Variants in NT5DC1 observed in about 807,000 individuals in gnomAD.
NT5DC1 encodes 5'-nucleotidase domain containing 1, also known as 5'-nucleotidase domain-containing protein 1.
In NT5DC1, 42 loss-of-function variants were observed where a neutral mutation model predicts 59.4. The observed-to-expected ratio is 0.71, with a 90% CI of 0.55 to 0.92. NT5DC1 has a LOEUF of 0.92. Ranked by LOEUF, NT5DC1 falls within the 40% of genes least tolerant of loss-of-function variation. The pLI is 0.00. For missense variants in NT5DC1, 501 were observed against 537.1 expected (o/e 0.93, Z 0.66); for synonymous variants, 172 against 188.1 (o/e 0.91, Z 0.70).
chr6:116,164,401 G>A (rs1311301647), intron 6 of NT5DC1, among the ~76,000 whole-genome samples: 2 of 152,014 alleles, frequency 1.3e-5, no homozygotes, highest in African/African-American at 4.8e-5. Context: ...CATAAGAATA[G>A]CAACCCCTGG....
intron 6 of NT5DC1, among the ~76,000 whole-genome samples, chr6:116,171,649 C>T (rs1488120782): frequency 6.6e-6 from 1 of 152,178 alleles, no homozygotes; most frequent in African/African-American, 2.4e-5. Flanking sequence ...TGAATTCTCT[C>T]TTTGGTATCC....
intron 6 of NT5DC1, among the ~76,000 whole-genome samples, chr6:116,138,982 C>T (rs1046426341): frequency 1.3e-5 from 2 of 151,960 alleles, no homozygotes. Context: ...ATAATTGCAG[C>T]AGAGTAGAAC....
At chr6:116,104,675 TAGCAAATAC>T (rs1376180604) in intron 1 of NT5DC1, among the ~76,000 whole-genome samples, 1 of 152,202 alleles carries the variant, frequency 6.6e-6, no homozygotes, top group Non-Finnish European at 1.5e-5. Context: ...AACATAATAA[TAGCAAATAC>T]TTAAATTGGA....
chr6:116,171,256 GATT>G (rs1199817949), intron 6 of NT5DC1, among the ~76,000 whole-genome samples: 2 of 151,998 alleles, frequency 1.3e-5, no homozygotes, highest in Non-Finnish European at 1.5e-5. Context: ...TAATTGCCAA[GATT>G]ATTATTTTAC....
At chr6:116,214,010 C>T (rs1163086030) in intron 6 of NT5DC1, among the ~76,000 whole-genome samples, 1 of 152,080 alleles carries the variant, frequency 6.6e-6, no homozygotes, top group African/African-American at 2.4e-5. Context: ...TATAGGCACA[C>T]ATCACTGTGC....
At chr6:116,166,262 G>C (rs1780462976) in intron 6 of NT5DC1, among the ~76,000 whole-genome samples, 1 of 152,128 alleles carries the variant, frequency 6.6e-6, no homozygotes, top group South Asian at 2.1e-4. Flanking sequence ...TTTCCATTCA[G>C]ATCATGACCA....
chr6:116,173,507 A>G (rs944257088), intron 6 of NT5DC1, among the ~76,000 whole-genome samples: 1 of 152,046 alleles, frequency 6.6e-6, no homozygotes, highest in Non-Finnish European at 1.5e-5. Context: ...AGCTTCATTC[A>G]CTTCATGTAG....
At chr6:116,111,985 C>T (rs1201130344) in intron 4 of NT5DC1, among the ~76,000 whole-genome samples, 1 of 152,190 alleles carries the variant, frequency 6.6e-6, no homozygotes, top group Non-Finnish European at 1.5e-5. Flanking sequence ...AAGCCAGGCA[C>T]ATAGCTGAGT....
intron 6 of NT5DC1, among the ~76,000 whole-genome samples, chr6:116,219,350 A>G (rs7770351): frequency 0.018 from 2,790 of 152,226 alleles, 24 homozygotes; most frequent in Middle Eastern, 0.031. Flanking sequence ...CCCCCTTTAT[A>G]GGTTTATTTT....
chr6:116,172,621 C>A (rs963673254), intron 6 of NT5DC1, among the ~76,000 whole-genome samples: 1 of 152,032 alleles, frequency 6.6e-6, no homozygotes, highest in African/African-American at 2.4e-5. Context: ...CGCCAGGCCA[C>A]ACCTTAGTAA....
chr6:116,125,397 T>C, intron 6 of NT5DC1: 1 of 1,613,784 alleles, frequency 6.2e-7, no homozygotes, highest in African/African-American at 1.3e-5. Flanking sequence ...GTAGTGGGCC[T>C]TTTATGCCTG....
intron 6 of NT5DC1, among the ~76,000 whole-genome samples, chr6:116,154,122 T>A (rs1780121780): frequency 6.6e-6 from 1 of 151,648 alleles, no homozygotes; most frequent in African/African-American, 2.4e-5. Flanking sequence ...CAAATCAGCA[T>A]TGATTTGTAG....
intron 6 of NT5DC1, among the ~76,000 whole-genome samples, chr6:116,214,351 A>C (rs1030497240): frequency 2.0e-5 from 3 of 152,170 alleles, no homozygotes; most frequent in Non-Finnish European, 4.4e-5. Context: ...TTTTTACTTA[A>C]AATGTTTTTA....
chr6:116,155,444 A>G (rs557928484), intron 6 of NT5DC1, among the ~76,000 whole-genome samples: 1 of 152,298 alleles, frequency 6.6e-6, no homozygotes, highest in South Asian at 2.1e-4. Flanking sequence ...CTAGAGGACC[A>G]TTGTGAATTA....
At position 116,239,109 on chromosome 6, in the gene NT5DC1, T is replaced by C. The variant is rs374479841; in HGVS notation, c.1238T>C (p.Ile413Thr). The C allele has an allele frequency of 3.1e-6, 5 of 1,610,984 alleles. No individual in the cohort carries two copies. Among genetic ancestry groups the C allele is most frequent in the Non-Finnish European group, 3.4e-6 (4 of 1,178,556 alleles). ...STYSTIAIPS[I>T]EAIAELPLDY... ...TACAGCACTATTGCAATTCCAAGTATTGAAGCAATCGCAGGTAAGGGGGAA... is the reference window on the plus strand; with the variant it reads ...TACAGCACTATTGCAATTCCAAGTACTGAAGCAATCGCAGGTAAGGGGGAA... The change falls in exon 11 of 12, where the codon ATT (isoleucine) becomes ACT (threonine). Residue 413 changes from isoleucine (I) to threonine (T), a missense_variant. Ile to Thr is a moderately conservative substitution (Grantham distance 89). Transcript: ENST00000319550.
intron 5 of NT5DC1, among the ~76,000 whole-genome samples, chr6:116,116,111 A>G (rs1015531992): frequency 1.3e-5 from 2 of 152,220 alleles, no homozygotes; most frequent in Non-Finnish European, 2.9e-5. Flanking sequence ...AGAGGTGATT[A>G]AGAAAATTCA....
intron 2 of NT5DC1, among the ~76,000 whole-genome samples, chr6:116,107,861 C>G (rs1397568506): frequency 6.6e-6 from 1 of 152,072 alleles, no homozygotes; most frequent in Non-Finnish European, 1.5e-5. Flanking sequence ...CATGAGCCAC[C>G]GCGCCTGGCC....
chr6:116,199,110 T>C (rs1781293325), intron 6 of NT5DC1, among the ~76,000 whole-genome samples: 1 of 151,920 alleles, frequency 6.6e-6, no homozygotes, highest in Non-Finnish European at 1.5e-5. Flanking sequence ...CAAATGTCCC[T>C]GGGGGGTGAG....
chr6:116,139,521 A>G (rs1454501094), intron 6 of NT5DC1, among the ~76,000 whole-genome samples: 1 of 152,148 alleles, frequency 6.6e-6, no homozygotes, highest in Non-Finnish European at 1.5e-5. Flanking sequence ...ATGATATTGA[A>G]CTGCATTTAA....
Sources: gnomAD v4.1 joint callset for allele counts (sites outside exome capture counted in the v4.1 genomes callset) on GRCh38, gnomAD v4.1.1 for gene constraint, MANE v1.5 for transcripts, NCBI Gene and HGNC (gene_info 2026-07-23, HGNC 2026-07-21) for gene names.